Variants in ELAVL2 observed in about 807,000 individuals in gnomAD.
ELAVL2 encodes ELAV like RNA binding protein 2.
Under a neutral mutation model 34.6 loss-of-function variants are expected in ELAVL2, and 4 were observed. That is an observed-to-expected ratio of 0.12 (90% confidence interval 0.06 to 0.26). The LOEUF is 0.26. Ranked by LOEUF, ELAVL2 falls within the 10% of genes least tolerant of loss-of-function variation. The pLI, the probability that ELAVL2 is intolerant of heterozygous loss-of-function variation, is 1.00. For synonymous variants in ELAVL2, 193 were observed against 154.8 expected (o/e 1.25, Z -1.83); for missense variants, 432 against 442.8 (o/e 0.98, Z 0.22).
At chr9:23,727,969 A>C (rs545031641) in intron 3 of ELAVL2, among the ~76,000 whole-genome samples, 1 of 152,146 alleles carries the variant, frequency 6.6e-6, no homozygotes, top group Admixed American at 6.6e-5. Flanking sequence ...CTTGGAGTAC[A>C]CAAACACTTG....
intron 3 of ELAVL2, among the ~76,000 whole-genome samples, chr9:23,727,123 G>A (rs1348821300): frequency 2.0e-5 from 3 of 152,064 alleles, no homozygotes; most frequent in Non-Finnish European, 4.4e-5. Context: ...CAACACTGGG[G>A]ATACTGTGGG....
chr9:23,809,891 T>G (rs890436264), intron 1 of ELAVL2, among the ~76,000 whole-genome samples: 2 of 152,162 alleles, frequency 1.3e-5, no homozygotes, highest in Admixed American at 1.3e-4. Flanking sequence ...TGGAGAAAGG[T>G]GAATCAAGAA....
intron 1 of ELAVL2, among the ~76,000 whole-genome samples, chr9:23,767,879 C>T (rs1036584141): frequency 2.6e-5 from 4 of 152,124 alleles, no homozygotes; most frequent in Non-Finnish European, 4.4e-5. Flanking sequence ...CTAGAAACCA[C>T]CTGATTTAGG....
intron 3 of ELAVL2, among the ~76,000 whole-genome samples, chr9:23,717,250 A>C (rs1231438855): frequency 6.6e-6 from 1 of 152,176 alleles, no homozygotes; most frequent in Admixed American, 6.5e-5. Flanking sequence ...CTGCTTAGAG[A>C]AACTTCATCT....
chr9:23,740,926 T>C (rs1331432164), intron 2 of ELAVL2, among the ~76,000 whole-genome samples: 3 of 152,206 alleles, frequency 2.0e-5, no homozygotes, highest in African/African-American at 7.2e-5. Flanking sequence ...TTCATACGCA[T>C]AGCATGATTT....
intron 3 of ELAVL2, among the ~76,000 whole-genome samples, chr9:23,716,836 C>A (rs1224389849): frequency 6.6e-6 from 1 of 152,184 alleles, no homozygotes; most frequent in Non-Finnish European, 1.5e-5. Context: ...GGCTTCCATA[C>A]TGAATGATGA....
chr9:23,710,029 T>C (rs2040510772), intron 3 of ELAVL2, among the ~76,000 whole-genome samples: 1 of 152,146 alleles, frequency 6.6e-6, no homozygotes, highest in African/African-American at 2.4e-5. Flanking sequence ...GGGGAGGCAG[T>C]AAGTACTTGC....
chr9:23,714,610 G>C (rs1166717554), intron 3 of ELAVL2, among the ~76,000 whole-genome samples: 2 of 152,144 alleles, frequency 1.3e-5, no homozygotes. Context: ...ATTCTCTTTT[G>C]TAGAGACCTG....
chr9:23,742,506 G>A (rs967488349), intron 2 of ELAVL2, among the ~76,000 whole-genome samples: 1 of 152,186 alleles, frequency 6.6e-6, no homozygotes, highest in East Asian at 1.9e-4. Flanking sequence ...GAGTCATTAA[G>A]AAGGGAATAT....
At chr9:23,767,676 G>A (rs2056561940) in intron 1 of ELAVL2, among the ~76,000 whole-genome samples, 1 of 152,128 alleles carries the variant, frequency 6.6e-6, no homozygotes, top group African/African-American at 2.4e-5. Flanking sequence ...AGGACGCTGA[G>A]GCAGGAGAAT....
At chr9:23,815,799 C>T (rs993698050) in intron 1 of ELAVL2, among the ~76,000 whole-genome samples, 1 of 146,284 alleles carries the variant, frequency 6.8e-6, no homozygotes, top group African/African-American at 2.4e-5. Flanking sequence ...ACTGAGACAA[C>T]TCAGCAAATT....
chr9:23,745,783 G>T (rs969841786), intron 2 of ELAVL2, among the ~76,000 whole-genome samples: 23 of 152,120 alleles, frequency 1.5e-4, no homozygotes, highest in Non-Finnish European at 4.4e-5. Flanking sequence ...TCATTCAGAG[G>T]CAAATCTGTT....
intron 2 of ELAVL2, among the ~76,000 whole-genome samples, chr9:23,744,953 C>A (rs2050147756): frequency 6.6e-6 from 1 of 152,020 alleles, no homozygotes; most frequent in African/African-American, 2.4e-5. Flanking sequence ...CTCCCAAATA[C>A]CAGCACTTCG....
At chr9:23,732,957 G>A (rs2046944973) in intron 2 of ELAVL2, among the ~76,000 whole-genome samples, 1 of 151,868 alleles carries the variant, frequency 6.6e-6, no homozygotes, top group Non-Finnish European at 1.5e-5. Flanking sequence ...TTCATTTAAA[G>A]TTAAATAAAA....
intron 1 of ELAVL2, among the ~76,000 whole-genome samples, chr9:23,777,144 A>C (rs1293395048): frequency 6.6e-6 from 1 of 152,240 alleles, no homozygotes; most frequent in Non-Finnish European, 1.5e-5. Context: ...TTCAGGAAGT[A>C]CCTACTAAGT....
chr9:23,752,560 T>C (rs1237841070), intron 2 of ELAVL2, among the ~76,000 whole-genome samples: 1 of 151,902 alleles, frequency 6.6e-6, no homozygotes, highest in African/African-American at 2.4e-5. Context: ...GTTGAAGCGA[T>C]TCTCCTGTCT....
At chr9:23,754,061 G>C (rs1214428272) in intron 2 of ELAVL2, among the ~76,000 whole-genome samples, 2 of 152,024 alleles carry the variant, frequency 1.3e-5, no homozygotes, top group Non-Finnish European at 2.9e-5. Flanking sequence ...TTACACCATA[G>C]GTTCAACTTT....
At chr9:23,789,311 T>C (rs1406599785) in intron 1 of ELAVL2, among the ~76,000 whole-genome samples, 1 of 152,200 alleles carries the variant, frequency 6.6e-6, no homozygotes, top group Non-Finnish European at 1.5e-5. Flanking sequence ...TAAGGTGGAA[T>C]GTATGTCCCC....
At chr9:23,788,444 G>A (rs1426355151) in intron 1 of ELAVL2, among the ~76,000 whole-genome samples, 2 of 152,120 alleles carry the variant, frequency 1.3e-5, no homozygotes, top group Non-Finnish European at 2.9e-5. Context: ...TGAAACTTCA[G>A]ATAGAACTGA....
Sources: gnomAD v4.1 joint callset for allele counts (sites outside exome capture counted in the v4.1 genomes callset) on GRCh38, gnomAD v4.1.1 for gene constraint, MANE v1.5 for transcripts, NCBI Gene and HGNC (gene_info 2026-07-23, HGNC 2026-07-21) for gene names.